Variants in DHX40 observed in about 807,000 individuals in gnomAD.
The protein encoded by DHX40 is DEAH-box helicase 40.
Under a neutral mutation model 89.6 loss-of-function variants are expected in DHX40, and 28 were observed. The observed-to-expected ratio is 0.31, with a 90% CI of 0.23 to 0.43. The LOEUF is 0.43. Among genes scored for constraint, DHX40 ranks in the 20% least tolerant of loss-of-function variants. The pLI is 1.00. For synonymous variants in DHX40, 226 were observed against 283.6 expected (o/e 0.80, Z 2.04); for missense variants, 457 against 844.0 (o/e 0.54, Z 5.68).
Position 59,570,795 on chromosome 17 carries a change from A to G in DHX40, c.426+132A>G, listed in dbSNP as rs144539537. ...ACCTTCTGGGCTCAAGTGATCTCCT[A>G]CCTCAGCCCCTTGGGTAGCTGGGAC... On this transcript the variant is annotated intron_variant, in intron 3 of 17. Transcript: ENST00000251241. The G allele has an allele frequency of 3.1e-4, 261 of 845,450 alleles. 2 individuals are homozygous for G. In the East Asian group the frequency reaches 8.3e-3, roughly 27 times the overall value. The allele number at this position is 845,450 out of a possible 1,614,324, so 52.4% of individuals were successfully genotyped here. A position where few individuals can be genotyped will look rare whatever the true frequency, so the allele number is the denominator to read the frequency against.
chr17:59,605,196 A>AT lies in DHX40; in HGVS notation c.1971+17dup, dbSNP rs1317965584. 1.2e-6 allele frequency: 2 copies of AT among 1,612,710 alleles called. No homozygotes were observed. The highest frequency in any genetic ancestry group is 4.5e-5 in the East Asian group (2 of 44,858). On this transcript the variant is annotated intron_variant, in intron 16 of 17. Coordinates refer to ENST00000251241, the MANE Select transcript of DHX40 (RefSeq NM_024612.5). The stretch of plus-strand genomic sequence containing the variant: ...ATCCTTCCTCAGCAGTAAGTACTTC[A>AT]TTTTTAATAAAGGGAAGAAATTTGT...
At chr17:59,606,998 C>A in intron 17 of DHX40, 35 bp from the exon 18 acceptor site, 2 of 1,577,844 alleles carry the variant, frequency 1.3e-6, no homozygotes, top group Non-Finnish European at 8.7e-7. Flanking sequence ...AATCTCAAAG[C>A]TAAGTTTTAT....
In DHX40 at chr17:59,570,768, C is replaced by G. The variant is rs149304495; in HGVS notation, c.426+105C>G. The G allele has an allele frequency of 5.3e-3, 6,465 of 1,228,826 alleles. 50 individuals are homozygous for G. The highest frequency in any genetic ancestry group is 0.015 in the African/African-American group (972 of 64,230). The allele number at this position is 1,228,826 out of a possible 1,614,324, so 76.1% of individuals were successfully genotyped here. On this transcript the variant is annotated intron_variant, in intron 3 of 17. Coordinates refer to ENST00000251241, the MANE Select transcript of DHX40 (RefSeq NM_024612.5). ...GCGCAATCATGGCTCTCTGTAGCCT[C>G]TACCTTCTGGGCTCAAGTGATCTCC...
chr17:59,600,187 C>G (rs1428831921), intron 14 of DHX40, among the ~76,000 whole-genome samples: 1 of 152,094 alleles, frequency 6.6e-6, no homozygotes, highest in East Asian at 1.9e-4. Context: ...ACCCAGGTAA[C>G]CACTAATCTG....
At chr17:59,604,762 T>C (rs1202263533) in intron 15 of DHX40, 1 of 194,934 alleles carries the variant, frequency 5.1e-6, no homozygotes, top group African/African-American at 2.3e-5. Context: ...GGTTTTACCA[T>C]GCGTTAGCGC....
At chr17:59,602,812 A>T (rs1021223339) in intron 15 of DHX40, among the ~76,000 whole-genome samples, 196 bp downstream of exon 15, 1 of 152,164 alleles carries the variant, frequency 6.6e-6, no homozygotes, top group African/African-American at 2.4e-5. Context: ...GAGCTCAAGT[A>T]GGGTAGGAGG....
At chr17:59,585,905 CTG>C (rs2048988466) in intron 10 of DHX40, among the ~76,000 whole-genome samples, 1 of 151,170 alleles carries the variant, frequency 6.6e-6, no homozygotes, top group African/African-American at 2.4e-5. Flanking sequence ...GATAAGTAGA[CTG>C]GTGAGAGTAT....
Position 59,605,444 on chromosome 17 carries a change from A to T in DHX40, c.1972-2A>T. The T allele has an allele frequency of 6.2e-7, 1 of 1,610,156 alleles. No homozygotes were observed. Among genetic ancestry groups the T allele is most frequent in the Non-Finnish European group, 8.5e-7 (1 of 1,176,760 alleles). ...CATCATTAAAAGAAATGTTTTGTATAGCTTCATGAACAGGAAACCAAACTT... is the reference window on the plus strand; with the variant it reads ...CATCATTAAAAGAAATGTTTTGTATTGCTTCATGAACAGGAAACCAAACTT... On this transcript the variant is annotated splice_acceptor_variant, in intron 16 of 17. Coordinates refer to ENST00000251241, the MANE Select transcript of DHX40 (RefSeq NM_024612.5). LOFTEE classifies it high-confidence loss of function.
intron 3 of DHX40, among the ~76,000 whole-genome samples, chr17:59,571,817 C>A (rs1367658661): frequency 1.3e-5 from 2 of 152,026 alleles, no homozygotes; most frequent in African/African-American, 2.4e-5. Context: ...GTGATCTGCC[C>A]ACCTCGGCCT....
At chr17:59,588,138 T>A (rs2143290992) in intron 12 of DHX40, 85 bp downstream of exon 12, 7 of 1,570,006 alleles carry the variant, frequency 4.5e-6, no homozygotes, top group Non-Finnish European at 6.1e-6. Flanking sequence ...CCCATCACTT[T>A]GGGAGGGCAA....
chr17:59,605,414 GTTACCATCA>G (rs2030779785), intron 16 of DHX40, 23 bp from the exon 17 acceptor site: 1 of 1,588,930 alleles, frequency 6.3e-7, no homozygotes, highest in African/African-American at 1.3e-5. Context: ...AGGTTATTGA[GTTACCATCA>G]TTAAAAGAAA....
intron 8 of DHX40, among the ~76,000 whole-genome samples, chr17:59,577,915 G>T (rs531345190): frequency 6.6e-6 from 1 of 152,272 alleles, no homozygotes; most frequent in East Asian, 1.9e-4. Context: ...CTACCTTGCA[G>T]CCTCACTCGG....
At chr17:59,585,289 A>G (rs1434693239) in intron 10 of DHX40, among the ~76,000 whole-genome samples, 1 of 122,110 alleles carries the variant, frequency 8.2e-6, no homozygotes, top group Non-Finnish European at 1.7e-5. Flanking sequence ...AATCCCAGCT[A>G]CTCAGCAGGC....
chr17:59,605,516 C>G lies in DHX40; in HGVS notation c.2042C>G (p.Ala681Gly), dbSNP rs1372964175. Reference protein sequence around the residue: ...HEVLVTTKVYARIVCPIRYEW... With the variant: ...HEVLVTTKVYGRIVCPIRYEW... ...GTATTGGTTACCACCAAAGTCTACG[C>G]AAGAATTGTATGCCCAATCCGTTAT... Residue 681 changes from alanine to glycine, a missense_variant, in exon 17 of 18, where the codon GCA (alanine) becomes GGA (glycine). By Grantham distance (60) the Ala-to-Gly change is moderately conservative (BLOSUM62 0). Transcript: ENST00000251241. 1 of 1,614,092 alleles carries G rather than the reference C, an allele frequency of 6.2e-7. No homozygotes were observed. The highest frequency in any genetic ancestry group is 1.1e-5 in the South Asian group (1 of 91,080).
At chr17:59,574,858 A>T (rs2048859061) in intron 6 of DHX40, among the ~76,000 whole-genome samples, 1 of 152,130 alleles carries the variant, frequency 6.6e-6, no homozygotes, top group Non-Finnish European at 1.5e-5. Flanking sequence ...TAAAATAGTT[A>T]AATCCCAAAC....
chr17:59,572,622 G>A (rs147717827), intron 3 of DHX40, among the ~76,000 whole-genome samples: 80 of 152,166 alleles, frequency 5.3e-4, no homozygotes, highest in African/African-American at 1.9e-3. Context: ...CAAGTGATCC[G>A]CCCACCTCAG....
At chr17:59,586,283 T>C (rs2048995908) in intron 11 of DHX40, 50 bp downstream of exon 11, 1 of 1,361,970 alleles carries the variant, frequency 7.3e-7, no homozygotes, top group South Asian at 1.3e-5. Flanking sequence ...TGATCTCTTT[T>C]TAAACAGGGC....
chr17:59,571,376 G>A (rs2048805622), intron 3 of DHX40, among the ~76,000 whole-genome samples: 1 of 150,704 alleles, frequency 6.6e-6, no homozygotes, highest in African/African-American at 2.4e-5. Context: ...AAAATGGCTT[G>A]AACCCGGGAG....
intron 10 of DHX40, among the ~76,000 whole-genome samples, chr17:59,583,570 G>A (rs533293146): frequency 2.1e-3 from 301 of 140,508 alleles, no homozygotes; most frequent in African/African-American, 6.7e-3. Flanking sequence ...TGGCTTATAC[G>A]TATGGCTCTG....
Sources: gnomAD v4.1 joint callset for allele counts (sites outside exome capture counted in the v4.1 genomes callset) on GRCh38, gnomAD v4.1.1 for gene constraint, MANE v1.5 for transcripts, NCBI Gene and HGNC (gene_info 2026-07-23, HGNC 2026-07-21) for gene names.